DOK5: variants seen among roughly 807,000 people sequenced by gnomAD.
The protein encoded by DOK5 is docking protein 5, also known as downstream of tyrosine kinase 5.
DOK5 carries 27 observed loss-of-function variants against 43.3 expected under a neutral mutation model. The ratio of observed to expected loss-of-function variants is 0.62; its 90% CI spans 0.46 to 0.86. The LOEUF (loss-of-function observed/expected upper bound fraction) is 0.86. Ranked by LOEUF, DOK5 falls within the 40% of genes least tolerant of loss-of-function variation. The pLI is 0.00. For synonymous variants in DOK5, 146 were observed against 140.1 expected, an observed-to-expected ratio of 1.04 and a Z score of -0.30; for missense variants, 373 against 392.9, an observed-to-expected ratio of 0.95 and a Z score of 0.43.
At chr20:54,564,704 A>G (rs1343290315) in intron 2 of DOK5, among the ~76,000 whole-genome samples, 4 of 152,242 alleles carry the variant, frequency 2.6e-5, no homozygotes, top group African/African-American at 9.6e-5. Flanking sequence ...ATGTTGTAAC[A>G]TCTACGGGGG....
chr20:54,551,779 C>T (rs1338962846), intron 1 of DOK5, among the ~76,000 whole-genome samples: 1 of 152,120 alleles, frequency 6.6e-6, no homozygotes, highest in Non-Finnish European at 1.5e-5. Context: ...ACTAATACCT[C>T]TGGGTATTTA....
chr20:54,492,455 A>G (rs1014767582), intron 1 of DOK5, among the ~76,000 whole-genome samples: 5 of 152,144 alleles, frequency 3.3e-5, no homozygotes, highest in Non-Finnish European at 7.3e-5. Flanking sequence ...GTCCACTAAC[A>G]ATGGACATTT....
In DOK5 at chr20:54,549,586, T is replaced by A. The variant is rs1984457792; in HGVS notation, c.67-5347T>A. On this transcript the variant is annotated intron_variant, in intron 1 of 7. Transcript: ENST00000262593. ...AATACCGATGGGTCAAAAATGGAAATCATTAGGCATGCTGAAATTGAAGAA... is the reference window on the plus strand; with the variant it reads ...AATACCGATGGGTCAAAAATGGAAAACATTAGGCATGCTGAAATTGAAGAA... Among the ~76,000 whole-genome samples the A allele has an allele frequency of 3.9e-5, 6 of 152,118 alleles. No homozygotes were observed. In the South Asian group the frequency reaches 1.2e-3, roughly 32 times the overall value.
chr20:54,529,911 T>C (rs1983711218), intron 1 of DOK5, among the ~76,000 whole-genome samples: 1 of 152,240 alleles, frequency 6.6e-6, no homozygotes, highest in Admixed American at 6.5e-5. Flanking sequence ...CTGCATTCCT[T>C]TTTAAGGCTA....
chr20:54,585,543 C>G (rs140296474), intron 2 of DOK5, among the ~76,000 whole-genome samples: 80 of 152,234 alleles, frequency 5.3e-4, no homozygotes, highest in African/African-American at 1.9e-3. Flanking sequence ...CACACGTGCT[C>G]TACCTCCACC....
At chr20:54,520,377 C>T (rs1983353273) in intron 1 of DOK5, among the ~76,000 whole-genome samples, 1 of 152,104 alleles carries the variant, frequency 6.6e-6, no homozygotes, top group Non-Finnish European at 1.5e-5. Context: ...ATATAATCAC[C>T]TGGGCTATTG....
intron 6 of DOK5, among the ~76,000 whole-genome samples, chr20:54,613,898 GCAGGAGGATACTTTGGCCC>G (rs1986726357): frequency 2.0e-5 from 3 of 152,048 alleles, no homozygotes; most frequent in Admixed American, 2.0e-4. Flanking sequence ...GGAGGCTGAG[GCAGGAGGATACTTTGGCCC>G]CAGGAATTCA....
chr20:54,535,578 T>A (rs943336625), intron 1 of DOK5, among the ~76,000 whole-genome samples: 61 of 152,236 alleles, frequency 4.0e-4, no homozygotes, highest in African/African-American at 1.3e-3. Flanking sequence ...TGCTACAGCT[T>A]GTTTTTAACA....
chr20:54,511,348 G>T (rs1216160669), intron 1 of DOK5, among the ~76,000 whole-genome samples: 1 of 152,168 alleles, frequency 6.6e-6, no homozygotes, highest in Non-Finnish European at 1.5e-5. Context: ...TAGGTACTTA[G>T]GTTTAGGAAG....
At chr20:54,538,232 GT>G (rs1224711705) in intron 1 of DOK5, among the ~76,000 whole-genome samples, 1 of 150,902 alleles carries the variant, frequency 6.6e-6, no homozygotes, top group Non-Finnish European at 1.5e-5. Context: ...TTAAGTCACA[GT>G]TTCCAAGAAC....
chr20:54,501,670 GATA>G (rs1212602510), intron 1 of DOK5, among the ~76,000 whole-genome samples: 1 of 152,000 alleles, frequency 6.6e-6, no homozygotes, highest in Non-Finnish European at 1.5e-5. Flanking sequence ...TTAGCATGAA[GATA>G]CATACAGTGT....
chr20:54,639,424 A>C (rs1233315476), intron 6 of DOK5, among the ~76,000 whole-genome samples: 3 of 152,214 alleles, frequency 2.0e-5, no homozygotes, highest in African/African-American at 7.2e-5. Context: ...TATCCCCCAA[A>C]GTAACAATGA....
chr20:54,487,688 G>C (rs1981992891), intron 1 of DOK5, among the ~76,000 whole-genome samples: 1 of 151,938 alleles, frequency 6.6e-6, no homozygotes, highest in African/African-American at 2.4e-5. Flanking sequence ...TAAAAATTAG[G>C]TGCTTAGGGA....
intron 1 of DOK5, among the ~76,000 whole-genome samples, chr20:54,498,312 G>A (rs1467029778): frequency 1.3e-5 from 2 of 152,160 alleles, no homozygotes; most frequent in Non-Finnish European, 2.9e-5. Flanking sequence ...TTAATTAAAA[G>A]CACTGATAGC....
intron 1 of DOK5, among the ~76,000 whole-genome samples, chr20:54,497,145 G>C (rs1386246741): frequency 6.6e-6 from 1 of 152,158 alleles, no homozygotes; most frequent in East Asian, 1.9e-4. Context: ...AATAGTTGCT[G>C]TAGAGCCTTT....
intron 2 of DOK5, among the ~76,000 whole-genome samples, chr20:54,584,695 T>G (rs533372374): frequency 6.7e-6 from 1 of 150,134 alleles, no homozygotes; most frequent in South Asian, 2.1e-4. Flanking sequence ...TATATATATA[T>G]AGTACTATAA....
intron 2 of DOK5, among the ~76,000 whole-genome samples, chr20:54,568,637 A>G (rs1985171693): frequency 6.6e-6 from 1 of 152,214 alleles, no homozygotes; most frequent in Non-Finnish European, 1.5e-5. Flanking sequence ...TGTAACAAAT[A>G]TAAATGTTTC....
chr20:54,596,826 C>A (rs1461192539), intron 5 of DOK5, among the ~76,000 whole-genome samples: 1 of 152,194 alleles, frequency 6.6e-6, no homozygotes, highest in Non-Finnish European at 1.5e-5. Flanking sequence ...CTTGGCTTGG[C>A]TCAGTGTCCA....
intron 1 of DOK5, among the ~76,000 whole-genome samples, chr20:54,480,324 T>G (rs1235467763): frequency 6.6e-6 from 1 of 152,106 alleles, no homozygotes; most frequent in Non-Finnish European, 1.5e-5. Context: ...CAGTTTACAG[T>G]AAAGAAGCCA....
Sources: allele counts gnomAD v4.1 joint callset (sites outside exome capture counted in the v4.1 genomes callset), GRCh38; gene constraint gnomAD v4.1.1; transcripts MANE v1.5; gene names NCBI Gene and HGNC (gene_info 2026-07-23, HGNC 2026-07-21).